The following ARHGEF7 variants were observed in gnomAD, a reference collection of about 807,000 sequenced individuals.
ARHGEF7 encodes the protein PAK-interacting exchange factor beta.
ARHGEF7 carries 33 observed loss-of-function variants against 109.8 expected under a neutral mutation model. The ratio of observed to expected loss-of-function variants is 0.30; its 90% CI spans 0.23 to 0.40. The LOEUF is 0.40. ARHGEF7 is among the 10% of genes least tolerant of loss of function. ARHGEF7 has a pLI of 1.00. For missense variants in ARHGEF7, 938 were observed against 1,098.5 expected (o/e 0.85, Z 2.07); for synonymous variants, 458 against 424.6 (o/e 1.08, Z -0.97).
At chr13:111,207,195 G>GTCTTGC (rs1331395092) in intron 3 of ARHGEF7, among the ~76,000 whole-genome samples, 1 of 152,076 alleles carries the variant, frequency 6.6e-6, no homozygotes, top group African/African-American at 2.4e-5. Flanking sequence ...TGGAGGCAGG[G>GTCTTGC]TCTTGCTCTG....
Position 111,180,049 on chromosome 13 carries a change from A to G in ARHGEF7, c.253-25240A>G, listed in dbSNP as rs745807856. ...CTGATGCTTCTAGCATCCACTGCCT[A>G]CGTGCCTGAATTACTTCCTGTTATG... is the stretch of plus-strand genomic sequence containing the variant. On this transcript the variant is annotated intron_variant, in intron 2 of 21. Transcript: ENST00000646102. Among the ~76,000 whole-genome samples, 6 of 152,138 alleles carry G rather than the reference A, an allele frequency of 3.9e-5. No homozygotes were observed. The East Asian group carries it at 7.7e-4, about 20-fold the overall frequency.
At chr13:111,231,687 C>A (rs916992343) in intron 5 of ARHGEF7, among the ~76,000 whole-genome samples, 1 of 152,116 alleles carries the variant, frequency 6.6e-6, no homozygotes, top group South Asian at 2.1e-4. Context: ...GATATACTAC[C>A]TCAGACCCCA....
chr13:111,231,239 G>A (rs2086008115), intron 5 of ARHGEF7, among the ~76,000 whole-genome samples: 1 of 152,234 alleles, frequency 6.6e-6, no homozygotes. Context: ...ACATTTCATA[G>A]TGTTTTCTTC....
intron 17 of ARHGEF7, among the ~76,000 whole-genome samples, 180 bp downstream of exon 17, chr13:111,286,420 C>T (rs755709446): frequency 6.6e-6 from 1 of 152,144 alleles, no homozygotes; most frequent in African/African-American, 2.4e-5. Context: ...GCAGGAGAAG[C>T]GCCTTTGTGT....
rs1595422174 is a variant in ARHGEF7 at position 111,273,833 on chromosome 13, A to C, written c.1093A>C (p.Met365Leu). 6.2e-7 allele frequency: 1 copy of C among 1,614,194 alleles called. No individual in the cohort carries two copies. The highest frequency in any genetic ancestry group is 2.2e-5 in the East Asian group (1 of 44,876). Reference protein sequence around the residue: ...TEHSEELGEFMETKGASSPGI... With the variant: ...TEHSEELGEFLETKGASSPGI... Reference sequence around the variant, plus strand: ...GCCCAGTGAGGAGTTGGGGGAGTTCATGGAGACCAAAGGTGCCAGCAGCCC... The same window carrying C: ...GCCCAGTGAGGAGTTGGGGGAGTTCCTGGAGACCAAAGGTGCCAGCAGCCC... The change falls in exon 10 of 22, where the codon ATG (methionine) becomes CTG (leucine). Residue 365 changes from methionine (M) to leucine (L), a missense_variant. By Grantham distance (15) the Met-to-Leu change is conservative. Coordinates refer to ENST00000646102, the MANE Select transcript of ARHGEF7 (RefSeq NM_001354046.2). This position sits in a 1 kb window ranked among gnomAD's most constrained non-coding sequence, Gnocchi z 4.5.
intron 19 of ARHGEF7, among the ~76,000 whole-genome samples, chr13:111,299,983 G>T (rs528916212): frequency 6.6e-6 from 1 of 152,236 alleles, no homozygotes; most frequent in South Asian, 2.1e-4. Flanking sequence ...TAATCTTCAA[G>T]AAAATATTTT....
chr13:111,121,133 G>A (rs1023034108), intron 1 of ARHGEF7, among the ~76,000 whole-genome samples: 1 of 152,168 alleles, frequency 6.6e-6, no homozygotes, highest in Non-Finnish European at 1.5e-5. Context: ...TGGAGCCACT[G>A]CAGGTGTCTC....
chr13:111,282,983 C>G (rs561289327), intron 15 of ARHGEF7, 156 bp from the exon 16 acceptor site: 1 of 1,089,200 alleles, frequency 9.2e-7, no homozygotes, highest in South Asian at 1.6e-5. Context: ...CAAAAACTGA[C>G]TGCTGAGAGC....
chr13:111,283,203 C>A lies in ARHGEF7; in HGVS notation c.1790C>A (p.Pro597His). 1 of 1,597,552 alleles carries A rather than the reference C, an allele frequency of 6.3e-7. No homozygotes were observed. Reference sequence around the variant, plus strand: ...GACAGCAAGCCCGCGCCGCTGACGCCCGCCTACCACACGCTGCCCCACCCC... The same window carrying A: ...GACAGCAAGCCCGCGCCGCTGACGCACGCCTACCACACGCTGCCCCACCCC... ...HADSKPAPLT[P>H]AYHTLPHPSH... is the part of the protein sequence containing the mutation. Residue 597 changes from proline (P) to histidine (H), a missense_variant, in exon 16 of 22, where the codon CCC becomes CAC. Pro to His is a moderately conservative substitution (Grantham distance 77, BLOSUM62 -2). This residue lies in a region of ARHGEF7 where 585 missense variants were observed against 723.6 expected (regional missense o/e 0.81). Transcript: ENST00000646102.
rs113178175 is a variant in ARHGEF7, at chr13:111,130,789, G to A, written c.165+15098G>A. Among the ~76,000 whole-genome samples, 485 of 152,322 alleles carry A rather than the reference G, an allele frequency of 3.2e-3. 1 individual carries two copies. Among genetic ancestry groups the A allele is most frequent in the African/African-American group, 0.011 (460 of 41,574 alleles). On this transcript the variant is annotated intron_variant, in intron 1 of 21. Coordinates refer to ENST00000646102, the MANE Select transcript of ARHGEF7 (RefSeq NM_001354046.2). ...CCTTGGCAGATGGGGCCCCAGTGGC[G>A]GTTTGGGGAAGGCTGTCCTCAAGAA...
At chr13:111,302,966 A>G (rs768664433) in intron 21 of ARHGEF7, 25 bp from the exon 22 acceptor site, 10 of 1,612,926 alleles carry the variant, frequency 6.2e-6, no homozygotes, top group East Asian at 2.2e-5. Context: ...GATAGTGAAC[A>G]CCCTGTGGTC....
chr13:111,120,013 G>A (rs2067074578), intron 1 of ARHGEF7, among the ~76,000 whole-genome samples: 1 of 152,182 alleles, frequency 6.6e-6, no homozygotes, highest in Non-Finnish European at 1.5e-5. Flanking sequence ...TTTTTAAGGA[G>A]ACTTCTTTAA....
In ARHGEF7 at chr13:111,153,607, C is replaced by T. The variant is rs370467198; in HGVS notation, c.166-298C>T. 1.0e-4 allele frequency: 119 copies of T among 1,154,098 alleles called. No individual in the cohort carries two copies. In the East Asian group the frequency reaches 4.5e-3, roughly 43 times the overall value. The allele number at this position is 1,154,098 out of a possible 1,614,324, so 71.5% of individuals were successfully genotyped here. A position where few individuals can be genotyped will look rare whatever the true frequency, so the allele number is the denominator to read the frequency against. The stretch of plus-strand genomic sequence containing the variant: ...GCGAACACCCGACGCTATCCGAAGA[C>T]GTCCCGCGCGGGCCGGCGGGGGCGC... On this transcript the variant is annotated intron_variant, in intron 1 of 21. Coordinates refer to ENST00000646102, the MANE Select transcript of ARHGEF7 (RefSeq NM_001354046.2).
rs1210778227 is a variant in ARHGEF7 at position 111,115,522 on chromosome 13, C to T, written c.-5C>T. ...CCCTCCCCGCCTGCCTCCCGGGCCG[C>T]AGCGATGAATTCCGCCGAGCAAACC... On this transcript the variant is annotated 5_prime_UTR_variant, in exon 1 of 22. Coordinates refer to ENST00000646102, the MANE Select transcript of ARHGEF7 (RefSeq NM_001354046.2). 1.5e-6 allele frequency: 2 copies of T among 1,347,694 alleles called. No individual in the cohort carries two copies. Among genetic ancestry groups the T allele is most frequent in the Non-Finnish European group, 1.9e-6 (2 of 1,028,998 alleles). 83.5% of individuals were successfully genotyped at this position (1,347,694 alleles called of 1,614,324 possible). A position where few individuals can be genotyped will look rare whatever the true frequency, so the allele number is the denominator to read the frequency against.
Position 111,217,850 on chromosome 13 carries a change from A to G in ARHGEF7, c.640A>G (p.Ser214Gly). 6.2e-7 allele frequency: 1 copy of G among 1,613,614 alleles called. No homozygotes were observed. The highest frequency in any genetic ancestry group is 8.5e-7 in the Non-Finnish European group (1 of 1,179,514). ...TLNGRTGWFPSNYVREVKASE... is the reference protein window; with the variant it reads ...TLNGRTGWFPGNYVREVKASE... ...CAACGGCCGGACCGGCTGGTTCCCC[A>G]GCAACTACGTGCGCGAGGTCAAGGC... Residue 214 changes from serine (S) to glycine (G), a missense_variant, in exon 5 of 22, where the codon AGC (serine) becomes GGC (glycine). Around this residue, in one of 4 missense-constraint regions of ARHGEF7, gnomAD observed 585 missense variants for 723.6 expected, o/e 0.81. Transcript: ENST00000646102.
chr13:111,285,349 G>A (rs542134547), intron 16 of ARHGEF7, among the ~76,000 whole-genome samples: 13 of 152,286 alleles, frequency 8.5e-5, no homozygotes, highest in Admixed American at 4.6e-4. Flanking sequence ...TCTTGGTCTC[G>A]CGTTTAGCAT....
At chr13:111,256,315 A>T (rs2090418029) in intron 8 of ARHGEF7, among the ~76,000 whole-genome samples, 1 of 152,192 alleles carries the variant, frequency 6.6e-6, no homozygotes, top group Non-Finnish European at 1.5e-5. Flanking sequence ...AGGCACAGTG[A>T]TTGGAACTGC....
chr13:111,148,287 C>T (rs1202356067), intron 1 of ARHGEF7, among the ~76,000 whole-genome samples: 1 of 152,188 alleles, frequency 6.6e-6, no homozygotes, highest in Non-Finnish European at 1.5e-5. Flanking sequence ...AGGCATAGAC[C>T]CAAGGGGTCA....
chr13:111,291,414 A>T (rs2093277376), intron 18 of ARHGEF7, among the ~76,000 whole-genome samples: 1 of 152,206 alleles, frequency 6.6e-6, no homozygotes, highest in Admixed American at 6.5e-5. Flanking sequence ...TTGCCAGCAG[A>T]CCCAGCTTCC....
Sources: allele counts gnomAD v4.1 joint callset (sites outside exome capture counted in the v4.1 genomes callset), GRCh38; gene constraint gnomAD v4.1.1; regional missense constraint gnomAD v4.1.1; non-coding constraint Gnocchi (gnomAD v3.1); transcripts MANE v1.5; gene names NCBI Gene and HGNC (gene_info 2026-07-23, HGNC 2026-07-21).